Variants in KIF26B observed in about 807,000 individuals in gnomAD.
KIF26B encodes the protein kinesin family member 26B.
In KIF26B, 63 loss-of-function variants were observed where a neutral mutation model predicts 151.2. The observed-to-expected ratio is 0.42, with a 90% CI of 0.34 to 0.51. The LOEUF is 0.51. Among genes scored for constraint, KIF26B ranks in the 20% least tolerant of loss-of-function variants. The pLI, the probability that KIF26B is intolerant of heterozygous loss-of-function variation, is 0.07. For synonymous variants in KIF26B, 1,357 were observed against 1,262.1 expected (o/e 1.08, Z -1.59); for missense variants, 2,813 against 2,913.6 (o/e 0.97, Z 0.79).
intron 2 of KIF26B, among the ~76,000 whole-genome samples, chr1:245,292,739 G>A (rs1305794804): frequency 2.6e-5 from 4 of 152,186 alleles, no homozygotes; most frequent in African/African-American, 9.7e-5. Flanking sequence ...GTGGCTGGCA[G>A]ATCACTGTCA....
At chr1:245,345,531 G>A (rs1049279370) in intron 2 of KIF26B, among the ~76,000 whole-genome samples, 2 of 151,898 alleles carry the variant, frequency 1.3e-5, no homozygotes, top group East Asian at 3.9e-4. Flanking sequence ...AGAGGTCCTC[G>A]TGATGGTGTG....
chr1:245,202,494 C>G (rs1016458808), intron 2 of KIF26B, among the ~76,000 whole-genome samples: 1 of 152,192 alleles, frequency 6.6e-6, no homozygotes, highest in South Asian at 2.1e-4. Flanking sequence ...CGCAGTGGCT[C>G]ACGCCTATAA....
At chr1:245,178,336 G>C (rs1459888280) in intron 2 of KIF26B, among the ~76,000 whole-genome samples, 1 of 152,130 alleles carries the variant, frequency 6.6e-6, no homozygotes, top group Non-Finnish European at 1.5e-5. Context: ...AAGAGGAGCG[G>C]TGTCTTTTGG....
intron 10 of KIF26B, among the ~76,000 whole-genome samples, chr1:245,648,093 T>C (rs2103187062): frequency 6.6e-6 from 1 of 152,328 alleles, no homozygotes; most frequent in African/African-American, 2.4e-5. Flanking sequence ...ATGAGAATCA[T>C]GTCTGTTAAT....
chr1:245,519,369 C>T (rs2103088878), intron 4 of KIF26B, among the ~76,000 whole-genome samples: 1 of 152,168 alleles, frequency 6.6e-6, no homozygotes, highest in Non-Finnish European at 1.5e-5. Flanking sequence ...GCCTGGCCAA[C>T]ATGGTGAAAC....
intron 3 of KIF26B, among the ~76,000 whole-genome samples, chr1:245,418,784 G>A (rs773041741): frequency 5.9e-5 from 9 of 152,080 alleles, no homozygotes; most frequent in South Asian, 2.1e-4. Flanking sequence ...TATATTTGCC[G>A]TGGGGATTAG....
At chr1:245,552,174 G>T (rs1445846414) in intron 5 of KIF26B, among the ~76,000 whole-genome samples, 4 of 118,786 alleles carry the variant, frequency 3.4e-5, no homozygotes, top group African/African-American at 1.1e-4. Context: ...TGTGTGTGGA[G>T]TGGGGGTGGG....
intron 10 of KIF26B, among the ~76,000 whole-genome samples, chr1:245,677,001 A>G (rs1428174230): frequency 6.6e-6 from 1 of 152,234 alleles, no homozygotes; most frequent in East Asian, 1.9e-4. Flanking sequence ...ATCCTGCCTC[A>G]GAGGCATCTC....
chr1:245,190,517 T>A (rs1272317679), intron 2 of KIF26B, among the ~76,000 whole-genome samples: 1 of 152,036 alleles, frequency 6.6e-6, no homozygotes, highest in Admixed American at 6.5e-5. Context: ...AGCTTCTCAT[T>A]TTCCCGGGAG....
At chr1:245,624,061 T>TC (rs1397785029) in intron 9 of KIF26B, among the ~76,000 whole-genome samples, 2 of 151,988 alleles carry the variant, frequency 1.3e-5, no homozygotes, top group East Asian at 1.9e-4. Context: ...TGTGGTACTC[T>TC]CCCCCCTGCT....
chr1:245,404,209 A>ATT (rs11455837), intron 3 of KIF26B, among the ~76,000 whole-genome samples: 4,516 of 147,816 alleles, frequency 0.031, 106 homozygotes, highest in South Asian at 0.046. Flanking sequence ...AACAAGACTG[A>ATT]TTTTTTTTTT....
At chr1:245,289,578 C>CT (rs1165736482) in intron 2 of KIF26B, among the ~76,000 whole-genome samples, 1 of 152,052 alleles carries the variant, frequency 6.6e-6, no homozygotes, top group Non-Finnish European at 1.5e-5. Context: ...GTCTTGAAGT[C>CT]TTTTTTCCCC....
In KIF26B at chr1:245,305,864, G is replaced by A. The variant is rs549994897; in HGVS notation, c.466-60970G>A. ...GAGGCAGAAGAATGGCTTGAACCCG[G>A]TAGGCAGAGCTTTAGTGAGCCGAGA... On this transcript the variant is annotated intron_variant, in intron 2 of 14. Coordinates refer to ENST00000407071, the MANE Select transcript of KIF26B (RefSeq NM_018012.4). Among the ~76,000 whole-genome samples, 12 of 137,124 alleles carry A rather than the reference G, an allele frequency of 8.8e-5. No homozygotes were observed. In the East Asian group the frequency reaches 2.5e-3, roughly 29 times the overall value. 90.0% of individuals were successfully genotyped at this position (137,124 alleles called of 152,430 possible).
intron 2 of KIF26B, among the ~76,000 whole-genome samples, chr1:245,306,067 A>G (rs1317894432): frequency 6.6e-6 from 1 of 152,208 alleles, no homozygotes; most frequent in African/African-American, 2.4e-5. Flanking sequence ...CTTGTTATGA[A>G]AAAACATGTA....
At chr1:245,356,038 G>A (rs1558400761) in intron 2 of KIF26B, among the ~76,000 whole-genome samples, 1 of 152,126 alleles carries the variant, frequency 6.6e-6, no homozygotes, top group East Asian at 1.9e-4. Flanking sequence ...CAGAGATTCT[G>A]ATACAGGGGG....
chr1:245,603,705 G>A (rs1378798492), intron 6 of KIF26B, among the ~76,000 whole-genome samples: 1 of 152,174 alleles, frequency 6.6e-6, no homozygotes, highest in African/African-American at 2.4e-5. Flanking sequence ...CATGCATGCA[G>A]GTCTCTGGAG....
At position 245,698,542 on chromosome 1, in the gene KIF26B, G is replaced by A. The variant is rs1401555609; in HGVS notation, c.6027+234G>A. ...ATGTTTTAAGGGCTTCAAAGCCAGG[G>A]GTCGGGGGCTGGTGATCTTGGGGGC... On this transcript the variant is annotated intron_variant, in intron 13 of 14. Coordinates refer to ENST00000407071, the MANE Select transcript of KIF26B (RefSeq NM_018012.4). This position sits in a 1 kb window ranked among gnomAD's most constrained non-coding sequence, Gnocchi z 4.0. Among the ~76,000 whole-genome samples, 1 of 152,224 alleles carries A rather than the reference G, an allele frequency of 6.6e-6. No homozygotes were observed. Among genetic ancestry groups the A allele is most frequent in the Non-Finnish European group, 1.5e-5 (1 of 68,044 alleles).
chr1:245,368,159 T>C (rs1047928630), intron 3 of KIF26B, among the ~76,000 whole-genome samples: 1 of 152,194 alleles, frequency 6.6e-6, no homozygotes, highest in African/African-American at 2.4e-5. Flanking sequence ...AATTCTTTTC[T>C]ATTTGCAACT....
In KIF26B at chr1:245,227,678, T is replaced by A. The variant is rs1239096461; in HGVS notation, c.465+70995T>A. On this transcript the variant is annotated intron_variant, in intron 2 of 14. Coordinates refer to ENST00000407071, the MANE Select transcript of KIF26B (RefSeq NM_018012.4). The surrounding 1 kb of genome is among the most constrained non-coding windows in gnomAD (Gnocchi z 4.1). ...TATCAGACTGTTATATTTGGGTTAT[T>A]TTCCAAAAACCTTTTGGTAGTCATT... Among the ~76,000 whole-genome samples the A allele has an allele frequency of 2.6e-5, 4 of 152,186 alleles. No homozygotes were observed. The highest frequency in any genetic ancestry group is 5.9e-5 in the Non-Finnish European group (4 of 68,036).
Sources: gnomAD v4.1 joint callset for allele counts (sites outside exome capture counted in the v4.1 genomes callset) on GRCh38, gnomAD v4.1.1 for gene constraint, Gnocchi (gnomAD v3.1) non-coding constraint, MANE v1.5 for transcripts, NCBI Gene and HGNC (gene_info 2026-07-23, HGNC 2026-07-21) for gene names.